The following TPO variants were observed in gnomAD, a reference collection of about 807,000 sequenced individuals.
TPO encodes thyroid peroxidase.
TPO carries 78 observed loss-of-function variants against 96.9 expected under a neutral mutation model. That is an observed-to-expected ratio of 0.81 (90% CI 0.67 to 0.97). The LOEUF is 0.97. Among genes scored for constraint, TPO ranks in the 50% least tolerant of loss-of-function variants. The pLI is 0.00. For missense variants in TPO, 1,252 were observed against 1,274.8 expected (o/e 0.98, Z 0.27); for synonymous variants, 547 against 538.0 (o/e 1.02, Z -0.23).
intron 8 of TPO, among the ~76,000 whole-genome samples, chr2:1,480,395 T>G (rs964932578): frequency 6.6e-6 from 1 of 152,178 alleles, no homozygotes; most frequent in African/African-American, 2.4e-5. Flanking sequence ...GGCCTGGGCC[T>G]GGAAGCCTCA....
chr2:1,403,716 C>T (rs1662205045), intron 1 of TPO, among the ~76,000 whole-genome samples: 1 of 152,220 alleles, frequency 6.6e-6, no homozygotes, highest in Non-Finnish European at 1.5e-5. Flanking sequence ...CCGAGAGCGG[C>T]TCACAGATGG....
intron 7 of TPO, among the ~76,000 whole-genome samples, chr2:1,457,922 G>A (rs369668039): frequency 1.3e-4 from 19 of 151,284 alleles, no homozygotes; most frequent in East Asian, 5.9e-4. Context: ...GTGTGGGCAC[G>A]TGTGTATATG....
intron 14 of TPO, among the ~76,000 whole-genome samples, chr2:1,515,386 T>A (rs1674582995): frequency 6.6e-6 from 1 of 152,080 alleles, no homozygotes; most frequent in Non-Finnish European, 1.5e-5. Context: ...CCTGCGTCTG[T>A]GAAAGGTGGC....
chr2:1,395,839 A>G (rs999216394), intron 1 of TPO, among the ~76,000 whole-genome samples: 21 of 152,298 alleles, frequency 1.4e-4, no homozygotes, highest in African/African-American at 5.1e-4. Context: ...CCCTGCACAC[A>G]TTCTCTTGCC....
At chr2:1,433,335 A>G (rs1665220119) in intron 3 of TPO, 103 bp from the exon 4 acceptor site, 2 of 1,445,436 alleles carry the variant, frequency 1.4e-6, no homozygotes, top group Admixed American at 1.8e-5. Flanking sequence ...ATTGTCTGGG[A>G]CACAGTAGTT....
At chr2:1,540,345 CTGCGT>C (rs1680587789) in intron 15 of TPO, among the ~76,000 whole-genome samples, 1 of 152,254 alleles carries the variant, frequency 6.6e-6, no homozygotes, top group South Asian at 2.1e-4. Flanking sequence ...CCCAGCTCAG[CTGCGT>C]GGAGACAGGG....
At chr2:1,431,525 G>A (rs760123475) in intron 3 of TPO, among the ~76,000 whole-genome samples, 3 of 152,100 alleles carry the variant, frequency 2.0e-5, no homozygotes, top group Non-Finnish European at 2.9e-5. Flanking sequence ...ATGTATTTCC[G>A]ATGTGCAAAA....
intron 14 of TPO, among the ~76,000 whole-genome samples, chr2:1,516,510 G>A (rs996343901): frequency 6.6e-6 from 1 of 152,150 alleles, no homozygotes; most frequent in Admixed American, 6.5e-5. Context: ...GCCCCGGTCC[G>A]AGGCCTCCAG....
chr2:1,516,325 G>C (rs1674699964), intron 14 of TPO, among the ~76,000 whole-genome samples: 2 of 152,186 alleles, frequency 1.3e-5, no homozygotes, highest in African/African-American at 4.8e-5. Flanking sequence ...TCCAAAATCT[G>C]CTGCCATCCC....
chr2:1,388,870 C>A (rs889850452), intron 1 of TPO, among the ~76,000 whole-genome samples: 2 of 152,170 alleles, frequency 1.3e-5, no homozygotes, highest in Non-Finnish European at 2.9e-5. Flanking sequence ...CGTTAATCAT[C>A]TAAATAAAGT....
At position 1,491,954 on chromosome 2, in the gene TPO, C is replaced by T. The variant is rs542332974; in HGVS notation, c.1769-1848C>T. ...GACAGCAGGAGTCAGGCTGAGGCAG[C>T]GCAGCTTCTCACGGGGGCTCGGGGG... is the stretch of plus-strand genomic sequence containing the variant. On this transcript the variant is annotated intron_variant, in intron 10 of 16. Coordinates refer to ENST00000329066, the MANE Select transcript of TPO (RefSeq NM_001206744.2). 1.2e-4 allele frequency among the ~76,000 whole-genome samples: 18 copies of T among 152,274 alleles called. No individual in the cohort carries two copies. In the South Asian group the frequency reaches 3.5e-3, roughly 30 times the overall value.
At position 1,484,327 on chromosome 2, in the gene TPO, G is replaced by A. The variant is rs190609432; in HGVS notation, c.1339-269G>A. Among the ~76,000 whole-genome samples, 1,503 of 152,340 alleles carry A rather than the reference G, an allele frequency of 9.9e-3. 27 individuals carry two copies. Among genetic ancestry groups the A allele is most frequent in the African/African-American group, 0.034 (1,427 of 41,592 alleles). On this transcript the variant is annotated intron_variant, in intron 8 of 16. Transcript: ENST00000329066. ...CTGGCCCGGTGGCCATTGTTGGCTC[G>A]ACAGAGGTGCTGTCTCTTGCCACTG...
intron 3 of TPO, among the ~76,000 whole-genome samples, chr2:1,426,939 T>C (rs1003173840): frequency 6.6e-5 from 10 of 152,216 alleles, no homozygotes; most frequent in Admixed American, 2.0e-4. Flanking sequence ...GGTATGGCCC[T>C]AGGCTTTTGG....
At chr2:1,460,673 T>C (rs1159089803) in intron 7 of TPO, among the ~76,000 whole-genome samples, 2 of 152,342 alleles carry the variant, frequency 1.3e-5, no homozygotes, top group African/African-American at 2.4e-5. Context: ...AGGAATTCAA[T>C]GAACGTGTAT....
intron 3 of TPO, among the ~76,000 whole-genome samples, chr2:1,429,069 T>C (rs1465944584): frequency 6.6e-6 from 1 of 152,232 alleles, no homozygotes; most frequent in African/African-American, 2.4e-5. Context: ...AAGTTAAATG[T>C]CATACGCATT....
chr2:1,527,829 T>TCCTGTGTGCA (rs1676949455), intron 15 of TPO, among the ~76,000 whole-genome samples: 2 of 25,320 alleles, frequency 7.9e-5, no homozygotes, highest in Admixed American at 9.6e-4. Flanking sequence ...CAAATCCCCA[T>TCCTGTGTGCA]ACTGTGTGCA....
chr2:1,470,377 G>C (rs1669282713), intron 7 of TPO, among the ~76,000 whole-genome samples: 1 of 151,992 alleles, frequency 6.6e-6, no homozygotes, highest in Admixed American at 6.6e-5. Flanking sequence ...AGTGAGCCTT[G>C]GTCCTTCACT....
At chr2:1,525,738 C>G (rs1422225547) in intron 15 of TPO, among the ~76,000 whole-genome samples, 3 of 114,598 alleles carry the variant, frequency 2.6e-5, no homozygotes, top group Non-Finnish European at 5.5e-5. Flanking sequence ...TCTGCAAACT[C>G]CCCAAATCTC....
intron 1 of TPO, among the ~76,000 whole-genome samples, chr2:1,402,350 C>G (rs116879788): frequency 1.3e-4 from 20 of 152,216 alleles, no homozygotes; most frequent in African/African-American, 4.6e-4. Context: ...GCTGGTAATG[C>G]CTGGCCCCGT....
Sources: gnomAD v4.1 joint callset for allele counts (sites outside exome capture counted in the v4.1 genomes callset) on GRCh38, gnomAD v4.1.1 for gene constraint, MANE v1.5 for transcripts, NCBI Gene and HGNC (gene_info 2026-07-23, HGNC 2026-07-21) for gene names.